Variants in ARB2A observed in about 807,000 individuals in gnomAD.
The protein encoded by ARB2A is cotranscriptional regulator ARB2A.
the ARB2A span, among the ~76,000 whole-genome samples, chr5:93,627,337 A>C: frequency 6.6e-6 from 1 of 152,144 alleles, no homozygotes; most frequent in Non-Finnish European, 1.5e-5. Context: ...TCTTAATAGA[A>C]GCTAGAATGG....
chr5:93,825,705 T>C, the ARB2A span, among the ~76,000 whole-genome samples: 3 of 152,262 alleles, frequency 2.0e-5, no homozygotes, highest in East Asian at 3.9e-4. Context: ...ATGAACTTTT[T>C]GAAGGCTCTT....
chr5:93,869,668 G>A, the ARB2A span, among the ~76,000 whole-genome samples: 1 of 152,140 alleles, frequency 6.6e-6, no homozygotes, highest in Non-Finnish European at 1.5e-5. Context: ...CCACCATTGT[G>A]ATTTGTTTCT....
At chr5:93,838,701 A>G in the ARB2A span, among the ~76,000 whole-genome samples, 2 of 152,042 alleles carry the variant, frequency 1.3e-5, no homozygotes, top group Non-Finnish European at 2.9e-5. Flanking sequence ...CATCTGTTTG[A>G]GTCATCTTTG....
chr5:93,915,014 A>G, the ARB2A span, among the ~76,000 whole-genome samples: 2 of 151,986 alleles, frequency 1.3e-5, no homozygotes, highest in African/African-American at 4.8e-5. Flanking sequence ...TTTTCTTGAT[A>G]TTCACCTCTT....
At chr5:94,095,976 T>C in the ARB2A span, among the ~76,000 whole-genome samples, 2 of 152,210 alleles carry the variant, frequency 1.3e-5, no homozygotes, top group African/African-American at 4.8e-5. Context: ...AATCCTTTCT[T>C]TTCTATCCCA....
the ARB2A span, among the ~76,000 whole-genome samples, chr5:94,069,039 A>T: frequency 5.7e-5 from 8 of 140,296 alleles, no homozygotes; most frequent in Non-Finnish European, 1.2e-4. Flanking sequence ...CTGTCTTAAA[A>T]AGATAGATAG....
chr5:94,045,022 G>A, the ARB2A span, among the ~76,000 whole-genome samples: 2 of 150,458 alleles, frequency 1.3e-5, no homozygotes, highest in African/African-American at 4.9e-5. Flanking sequence ...GGGAGACTGA[G>A]GTAAGAGAAT....
chr5:93,945,760 A>G, the ARB2A span, among the ~76,000 whole-genome samples: 3 of 152,198 alleles, frequency 2.0e-5, no homozygotes, highest in Non-Finnish European at 2.9e-5. Flanking sequence ...AGAACTAAAG[A>G]TCATGAGTGA....
chr5:93,717,714 A>G, the ARB2A span, among the ~76,000 whole-genome samples: 7 of 152,262 alleles, frequency 4.6e-5, no homozygotes, highest in Non-Finnish European at 1.0e-4. Context: ...CTAACTTTCT[A>G]TTAATATGTC....
chr5:93,784,952 T>C, the ARB2A span, among the ~76,000 whole-genome samples: 2 of 152,236 alleles, frequency 1.3e-5, no homozygotes, highest in Admixed American at 1.3e-4. Flanking sequence ...ACTTTTCCAA[T>C]TTAACTAGCC....
At chr5:93,756,961 A>AG in the ARB2A span, among the ~76,000 whole-genome samples, 3 of 152,180 alleles carry the variant, frequency 2.0e-5, no homozygotes, top group Non-Finnish European at 4.4e-5. Context: ...GTCCAATGCA[A>AG]GCAAATCCAA....
the ARB2A span, among the ~76,000 whole-genome samples, chr5:93,760,610 C>T: frequency 2.0e-5 from 3 of 152,230 alleles, no homozygotes; most frequent in South Asian, 6.2e-4. Context: ...TACTTACAGC[C>T]AACTGATCTT....
At chr5:93,761,027 T>A in the ARB2A span, among the ~76,000 whole-genome samples, 12 of 152,294 alleles carry the variant, frequency 7.9e-5, no homozygotes, top group South Asian at 1.0e-3. Flanking sequence ...ATATCTAGAA[T>A]CTACAATAAA....
chr5:94,053,071 CTATA>C, the ARB2A span: 2 of 407,510 alleles, frequency 4.9e-6, no homozygotes, highest in African/African-American at 3.1e-5. Flanking sequence ...TTTGCATATA[CTATA>C]GATAGATAGA....
chr5:93,748,811 G>T, the ARB2A span, among the ~76,000 whole-genome samples: 1 of 151,960 alleles, frequency 6.6e-6, no homozygotes, highest in South Asian at 2.1e-4. Flanking sequence ...TTAAATATTA[G>T]AAACACTGAG....
the ARB2A span, among the ~76,000 whole-genome samples, chr5:93,756,494 T>C: frequency 1.3e-5 from 2 of 152,138 alleles, no homozygotes; most frequent in Admixed American, 6.5e-5. Flanking sequence ...CCACCTCCAC[T>C]GGAACAGGCG....
At chr5:94,080,760 G>T in the ARB2A span, among the ~76,000 whole-genome samples, 1 of 152,152 alleles carries the variant, frequency 6.6e-6, no homozygotes, top group African/African-American at 2.4e-5. Flanking sequence ...GTTGGTTGAG[G>T]TTTTGCCAGG....
the ARB2A span, among the ~76,000 whole-genome samples, chr5:93,760,207 C>A: frequency 6.6e-6 from 1 of 152,114 alleles, no homozygotes; most frequent in African/African-American, 2.4e-5. Context: ...GTCAGAAGAC[C>A]TCTACAAGAA....
At chr5:94,060,836 G>T in the ARB2A span, among the ~76,000 whole-genome samples, 5 of 152,030 alleles carry the variant, frequency 3.3e-5, no homozygotes, top group African/African-American at 1.2e-4. Context: ...ATGACAGAAC[G>T]GTTCACTATT....
Sources: allele counts gnomAD v4.1 joint callset (sites outside exome capture counted in the v4.1 genomes callset), GRCh38; gene constraint gnomAD v4.1.1; transcripts MANE v1.5; gene names NCBI Gene and HGNC (gene_info 2026-07-23, HGNC 2026-07-21).